The following EPS15 variants were observed in gnomAD, a reference collection of about 807,000 sequenced individuals.
EPS15 encodes the protein epidermal growth factor receptor substrate 15.
EPS15 carries 72 observed loss-of-function variants against 113.8 expected under a neutral mutation model. The ratio of observed to expected loss-of-function variants is 0.63; its 90% CI spans 0.52 to 0.77. The LOEUF (loss-of-function observed/expected upper bound fraction) is 0.77. Ranked by LOEUF, EPS15 falls within the 30% of genes least tolerant of loss-of-function variation. EPS15 has a pLI of 0.00. For synonymous variants in EPS15, 344 were observed against 363.4 expected, an observed-to-expected ratio of 0.95 and a Z score of 0.61; for missense variants, 1,048 against 1,045.8, an observed-to-expected ratio of 1.00 and a Z score of -0.03.
At position 51,364,007 on chromosome 1, in the gene EPS15, G is replaced by A. The variant is rs764080096; in HGVS notation, c.2218C>T (p.Arg740Cys). The A allele has an allele frequency of 1.4e-5, 22 of 1,612,382 alleles. No homozygotes were observed. The highest frequency in any genetic ancestry group is 1.7e-5 in the Admixed American group (1 of 59,778). ...CTGACAGAGCTCGATGTGGCTGAAC[G>A]AAAAGGATCTTCATTGTTGACCTTT... ...LSKVNNEDPF[R>C]SATSSSVSNV... Residue 740 changes from arginine to cysteine, a missense_variant, in exon 23 of 25, where the codon CGT becomes TGT. Arg to Cys is a radical substitution (Grantham distance 180). Coordinates refer to ENST00000371733, the MANE Select transcript of EPS15 (RefSeq NM_001981.3).
In EPS15 at chr1:51,489,414, C is replaced by T. The variant is rs149765054; in HGVS notation, c.34-8100G>A. 3.6e-3 allele frequency among the ~76,000 whole-genome samples: 551 copies of T among 151,314 alleles called. 2 individuals are homozygous for T. The highest frequency in any genetic ancestry group is 0.013 in the African/African-American group (526 of 41,226). ...TCGGCTCACTGCAATCTCCGCCTCC[C>T]GGGTTCCAGCAATTCTCCAGCCTTA... On this transcript the variant is annotated intron_variant, in intron 1 of 24. Transcript: ENST00000371733.
Position 51,508,238 on chromosome 1 carries a change from G to GAAAAGAAAAGAAAAGA in EPS15, c.33+10960_33+10961insTCTTTTCTTTTCTTTT, listed in dbSNP as rs770490796. 6.8e-3 allele frequency among the ~76,000 whole-genome samples: 442 copies of GAAAAGAAAAGAAAAGA among 64,600 alleles called. 2 individuals are homozygous for GAAAAGAAAAGAAAAGA. Among genetic ancestry groups the GAAAAGAAAAGAAAAGA allele is most frequent in the Middle Eastern group, 0.01 (1 of 100 alleles). The allele number at this position is 64,600 out of a possible 152,430, so 42.4% of individuals were successfully genotyped here. The stretch of plus-strand genomic sequence containing the variant: ...GAAAAGAAAAGAAAAGAAAAGAAAA[G>GAAAAGAAAAGAAAAGA]AAAGAGAGAAAGAGAGAGAGAGAGA... On this transcript the variant is annotated intron_variant, in intron 1 of 24. Transcript: ENST00000371733.
intron 1 of EPS15, among the ~76,000 whole-genome samples, chr1:51,489,923 A>C (rs553664825): frequency 6.6e-6 from 1 of 152,310 alleles, no homozygotes; most frequent in Admixed American, 6.5e-5. Flanking sequence ...ACCATAGCTG[A>C]TTCCTAGGAA....
At chr1:51,390,398 G>A (rs1439671585) in intron 21 of EPS15, among the ~76,000 whole-genome samples, 1 of 152,148 alleles carries the variant, frequency 6.6e-6, no homozygotes, top group African/African-American at 2.4e-5. Flanking sequence ...TCAGGACATA[G>A]GCATGGGCAA....
At chr1:51,416,153 A>G (rs964302110) in intron 13 of EPS15, among the ~76,000 whole-genome samples, 6 of 152,138 alleles carry the variant, frequency 3.9e-5, no homozygotes, top group African/African-American at 1.4e-4. Context: ...TTCTCCTAAC[A>G]AACAGTGTCT....
intron 19 of EPS15, 22 bp downstream of exon 19, chr1:51,400,896 T>C: frequency 6.5e-7 from 1 of 1,526,880 alleles, no homozygotes; most frequent in Non-Finnish European, 8.9e-7. Flanking sequence ...AAAGCTAAGA[T>C]GAAACTCAAT....
intron 4 of EPS15, among the ~76,000 whole-genome samples, chr1:51,470,439 G>C (rs1432306980): frequency 6.6e-6 from 1 of 152,034 alleles, no homozygotes; most frequent in African/African-American, 2.4e-5. Context: ...GAGGTCAGGA[G>C]TTCAAGACCA....
chr1:51,488,249 TC>T, intron 1 of EPS15, among the ~76,000 whole-genome samples: 1 of 151,546 alleles, frequency 6.6e-6, no homozygotes, highest in East Asian at 1.9e-4. Context: ...AAACTTTAAC[TC>T]CAACTGTCAA....
At chr1:51,368,204 G>A (rs368357772) in intron 21 of EPS15, among the ~76,000 whole-genome samples, 5 of 152,112 alleles carry the variant, frequency 3.3e-5, no homozygotes, top group South Asian at 4.1e-4. Context: ...GTGCCTATCC[G>A]CCCATTTGAA....
At chr1:51,394,276 A>G in intron 21 of EPS15, 105 bp downstream of exon 21, 1 of 639,126 alleles carries the variant, frequency 1.6e-6, no homozygotes, top group Non-Finnish European at 2.6e-6. Context: ...TTATGCAATA[A>G]TTTTAAAGCT....
chr1:51,420,313 TTCTA>T (rs1488655366), intron 13 of EPS15, among the ~76,000 whole-genome samples: 2 of 152,124 alleles, frequency 1.3e-5, no homozygotes, highest in African/African-American at 2.4e-5. Context: ...TTCAGCACTC[TTCTA>T]AACTGGGTAT....
intron 1 of EPS15, chr1:51,490,364 G>C: frequency 2.5e-6 from 1 of 398,508 alleles, no homozygotes; most frequent in South Asian, 1.7e-5. Flanking sequence ...AGGAGTTCAA[G>C]ACCAGCCTGA....
At chr1:51,505,554 A>G (rs1644484772) in intron 1 of EPS15, among the ~76,000 whole-genome samples, 2 of 152,142 alleles carry the variant, frequency 1.3e-5, no homozygotes, top group South Asian at 4.1e-4. Context: ...GAGGGGTACA[A>G]GTTTCTTTCT....
chr1:51,464,649 T>G (rs1654719872), intron 6 of EPS15, among the ~76,000 whole-genome samples: 1 of 152,178 alleles, frequency 6.6e-6, no homozygotes, highest in Admixed American at 6.5e-5. Flanking sequence ...TTTTTAAAAG[T>G]TATTAGTGTA....
At chr1:51,433,259 A>C (rs1651879246) in intron 12 of EPS15, among the ~76,000 whole-genome samples, 1 of 151,696 alleles carries the variant, frequency 6.6e-6, no homozygotes. Context: ...CTATTGAGTA[A>C]ATCCTGTACT....
chr1:51,358,592 A>G (rs1361707267), intron 24 of EPS15, among the ~76,000 whole-genome samples: 5 of 152,186 alleles, frequency 3.3e-5, no homozygotes, highest in Non-Finnish European at 7.3e-5. Context: ...ATCTTTCACA[A>G]TGAAAAAAGA....
At chr1:51,490,787 G>A (rs973161812) in intron 1 of EPS15, among the ~76,000 whole-genome samples, 2 of 152,058 alleles carry the variant, frequency 1.3e-5, no homozygotes, top group Non-Finnish European at 2.9e-5. Flanking sequence ...ACAGTTACAT[G>A]AACCCACACA....
intron 1 of EPS15, among the ~76,000 whole-genome samples, chr1:51,503,691 CA>C (rs1206054859): frequency 6.6e-6 from 1 of 152,106 alleles, no homozygotes; most frequent in Non-Finnish European, 1.5e-5. Context: ...ATCCCAATTT[CA>C]AAATGTATTA....
chr1:51,461,373 T>C (rs947657117), intron 7 of EPS15, among the ~76,000 whole-genome samples: 1 of 151,798 alleles, frequency 6.6e-6, no homozygotes, highest in Non-Finnish European at 1.5e-5. Context: ...AATAAAAAAT[T>C]AGCTGGGCAT....
Sources: allele counts gnomAD v4.1 joint callset (sites outside exome capture counted in the v4.1 genomes callset), GRCh38; gene constraint gnomAD v4.1.1; transcripts MANE v1.5; gene names NCBI Gene and HGNC (gene_info 2026-07-23, HGNC 2026-07-21).